Variants in CTNND2 observed in about 807,000 individuals in gnomAD.
CTNND2 encodes catenin delta-2.
A neutral mutation model predicts 144.4 loss-of-function variants in CTNND2; 22 were observed. The observed-to-expected ratio is 0.15, with a 90% CI of 0.11 to 0.22. The LOEUF (loss-of-function observed/expected upper bound fraction) is 0.22. Ranked by LOEUF, CTNND2 falls within the 10% of genes least tolerant of loss-of-function variation. The probability of loss-of-function intolerance (pLI) is 1.00; values close to 1 mark genes in which losing one functional copy is unlikely to be tolerated. For synonymous variants in CTNND2, 751 were observed against 695.6 expected, an observed-to-expected ratio of 1.08 and a Z score of -1.25; for missense variants, 1,353 against 1,618.8, an observed-to-expected ratio of 0.84 and a Z score of 2.82.
intron 3 of CTNND2, among the ~76,000 whole-genome samples, chr5:11,439,799 T>TCTTA (rs1581199389): frequency 7.3e-6 from 1 of 136,188 alleles, no homozygotes; most frequent in African/African-American, 2.7e-5. Context: ...TATCTATCTA[T>TCTTA]CTTATATATA....
intron 3 of CTNND2, among the ~76,000 whole-genome samples, chr5:11,507,460 C>G (rs1771173581): frequency 6.6e-6 from 1 of 152,118 alleles, no homozygotes; most frequent in African/African-American, 2.4e-5. Context: ...AGGAACTGGG[C>G]TTTTGAGTGG....
intron 16 of CTNND2, among the ~76,000 whole-genome samples, chr5:11,070,922 G>C (rs968884922): frequency 6.6e-6 from 1 of 151,764 alleles, no homozygotes; most frequent in African/African-American, 2.4e-5. Context: ...AGAGGTCTTA[G>C]ATATAGTGTG....
At chr5:11,112,537 A>G (rs1233836873) in intron 13 of CTNND2, among the ~76,000 whole-genome samples, 1 of 152,232 alleles carries the variant, frequency 6.6e-6, no homozygotes, top group Non-Finnish European at 1.5e-5. Flanking sequence ...CTCTAGAGCT[A>G]TAAGATCATA....
At chr5:11,690,742 C>CAAAAAAAAAAAAAA (rs58799389) in intron 2 of CTNND2, among the ~76,000 whole-genome samples, 3 of 36,532 alleles carry the variant, frequency 8.2e-5, no homozygotes, top group Non-Finnish European at 1.5e-4. Flanking sequence ...GACTCCGTCT[C>CAAAAAAAAAAAAAA]AAAAAAAAAA....
At position 11,492,893 on chromosome 5, in the gene CTNND2, A is replaced by T. The variant is rs1034729154; in HGVS notation, c.287+72051T>A. On this transcript the variant is annotated intron_variant, in intron 3 of 21. Transcript: ENST00000304623. Reference sequence around the variant, plus strand: ...TAAGACCAGTATGGCCAACATGGTGAAACCCTGTCTCTACTTAAAAATATA... The same window carrying T: ...TAAGACCAGTATGGCCAACATGGTGTAACCCTGTCTCTACTTAAAAATATA... 3.3e-5 allele frequency among the ~76,000 whole-genome samples: 5 copies of T among 151,960 alleles called. No homozygotes were observed. In the South Asian group the frequency reaches 6.2e-4, roughly 19 times the overall value.
In CTNND2 at chr5:10,974,042, G is replaced by A. The variant is rs61752746; in HGVS notation, c.3418-329C>T. On this transcript the variant is annotated intron_variant, in intron 21 of 21. Transcript: ENST00000304623. ...TGTTGTGCAACCATCACCACCATCCGTTTCCACCACTTTTTAAATCATCCC... is the reference window on the plus strand; with the variant it reads ...TGTTGTGCAACCATCACCACCATCCATTTCCACCACTTTTTAAATCATCCC... Among the ~76,000 whole-genome samples the A allele has an allele frequency of 0.018, 2,715 of 152,256 alleles. 81 individuals are homozygous for A. Among genetic ancestry groups the A allele is most frequent in the African/African-American group, 0.062 (2,556 of 41,548 alleles).
chr5:11,470,433 TA>T (rs1298398768), intron 3 of CTNND2, among the ~76,000 whole-genome samples: 1 of 151,718 alleles, frequency 6.6e-6, no homozygotes, highest in Non-Finnish European at 1.5e-5. Flanking sequence ...AACTCTGTCT[TA>T]AAAAAAAGAA....
rs532727731 is a variant in CTNND2 at position 11,144,062 on chromosome 5, A to G, written c.2159+15514T>C. Among the ~76,000 whole-genome samples, 22 of 150,804 alleles carry G rather than the reference A, an allele frequency of 1.5e-4. No homozygotes were observed. In the East Asian group the frequency reaches 4.4e-3, roughly 30 times the overall value. ...TCTGCACCAGCTAGGGGTTTCTACC[A>G]TAGGGGCAGTCCCCAGGTCTGCACC... On this transcript the variant is annotated intron_variant, in intron 12 of 21. Coordinates refer to ENST00000304623, the MANE Select transcript of CTNND2 (RefSeq NM_001332.4).
intron 14 of CTNND2, among the ~76,000 whole-genome samples, chr5:11,110,163 G>A (rs1752816617): frequency 6.6e-6 from 1 of 152,170 alleles, no homozygotes; most frequent in African/African-American, 2.4e-5. Context: ...GACAGGAGCA[G>A]AGACTGTTCT....
At chr5:11,558,093 G>C (rs1422213776) in intron 3 of CTNND2, among the ~76,000 whole-genome samples, 1 of 152,168 alleles carries the variant, frequency 6.6e-6, no homozygotes, top group East Asian at 1.9e-4. Flanking sequence ...TAGCGAAGTT[G>C]GTTAGTTTCA....
chr5:11,359,080 A>G (rs1300179374), intron 8 of CTNND2, among the ~76,000 whole-genome samples: 1 of 152,200 alleles, frequency 6.6e-6, no homozygotes, highest in East Asian at 1.9e-4. Context: ...AGTCATTCAT[A>G]CATTTGAGTT....
At chr5:11,303,515 G>T (rs569754228) in intron 9 of CTNND2, among the ~76,000 whole-genome samples, 5 of 152,134 alleles carry the variant, frequency 3.3e-5, no homozygotes, top group Admixed American at 3.3e-4. Context: ...CCTTAGTGAT[G>T]TAATGGATGC....
chr5:11,601,460 T>C (rs1779790416), intron 2 of CTNND2, among the ~76,000 whole-genome samples: 1 of 152,132 alleles, frequency 6.6e-6, no homozygotes, highest in African/African-American at 2.4e-5. Context: ...TAATTCCAGT[T>C]ATTAAAAATA....
intron 2 of CTNND2, among the ~76,000 whole-genome samples, chr5:11,605,814 G>A (rs531799784): frequency 1.6e-4 from 24 of 152,242 alleles, no homozygotes; most frequent in African/African-American, 5.8e-4. Context: ...TGGCAGTTGT[G>A]AGAGGAAGAA....
At chr5:11,810,816 T>C (rs997395089) in intron 1 of CTNND2, among the ~76,000 whole-genome samples, 2 of 152,102 alleles carry the variant, frequency 1.3e-5, no homozygotes, top group African/African-American at 4.8e-5. Context: ...GAGCTTAAAA[T>C]CCTAGGGTAA....
chr5:11,052,150 T>C (rs1381322646), intron 16 of CTNND2, among the ~76,000 whole-genome samples: 2 of 152,182 alleles, frequency 1.3e-5, no homozygotes, highest in African/African-American at 2.4e-5. Context: ...GGCTGTTAGA[T>C]GGAAATACAT....
At chr5:11,839,113 T>C (rs1581981517) in intron 1 of CTNND2, among the ~76,000 whole-genome samples, 1 of 152,110 alleles carries the variant, frequency 6.6e-6, no homozygotes, top group Non-Finnish European at 1.5e-5. Context: ...TCTCCTTAAA[T>C]GAATCTCAGC....
chr5:11,434,912 TA>T (rs1249595207), intron 3 of CTNND2, among the ~76,000 whole-genome samples: 1 of 152,070 alleles, frequency 6.6e-6, no homozygotes. Flanking sequence ...TCAAACTGGA[TA>T]ACTGCAAAGA....
intron 1 of CTNND2, among the ~76,000 whole-genome samples, chr5:11,751,738 G>T (rs1359626099): frequency 6.6e-6 from 1 of 151,880 alleles, no homozygotes; most frequent in Non-Finnish European, 1.5e-5. Flanking sequence ...CCAATAATGG[G>T]ATTGCTGGGT....
Sources: gnomAD v4.1 joint callset for allele counts (sites outside exome capture counted in the v4.1 genomes callset) on GRCh38, gnomAD v4.1.1 for gene constraint, MANE v1.5 for transcripts, NCBI Gene and HGNC (gene_info 2026-07-23, HGNC 2026-07-21) for gene names.